The following ATP10B variants were observed in gnomAD, a reference collection of about 807,000 sequenced individuals.
The protein encoded by ATP10B is phospholipid-transporting ATPase VB.
A neutral mutation model predicts 141.2 loss-of-function variants in ATP10B; 122 were observed. That is an observed-to-expected ratio of 0.86 (90% CI 0.75 to 1.00). ATP10B has a LOEUF of 1.00. Among genes scored for constraint, ATP10B ranks in the 50% least tolerant of loss-of-function variants. The pLI is 0.00. For missense variants in ATP10B, 1,876 were observed against 1,825.3 expected (o/e 1.03, Z -0.51); for synonymous variants, 685 against 692.0 (o/e 0.99, Z 0.16).
At chr5:160,567,027 A>T (rs1340034025) in intron 25 of ATP10B, among the ~76,000 whole-genome samples, 1 of 152,108 alleles carries the variant, frequency 6.6e-6, no homozygotes, top group Non-Finnish European at 1.5e-5. Flanking sequence ...TTGTTCTCTC[A>T]CATCTCACCC....
intron 1 of ATP10B, among the ~76,000 whole-genome samples, chr5:160,836,201 T>C (rs889897405): frequency 1.3e-5 from 2 of 152,122 alleles, no homozygotes; most frequent in Admixed American, 1.3e-4. Flanking sequence ...CTATGAAATA[T>C]ATCCATATAA....
At chr5:160,721,961 G>A (rs989066405) in intron 2 of ATP10B, among the ~76,000 whole-genome samples, 15 of 152,188 alleles carry the variant, frequency 9.9e-5, no homozygotes, top group African/African-American at 3.6e-4. Flanking sequence ...CTAGCTGTGA[G>A]TCTCAACCTC....
chr5:160,859,092 A>G, the ATP10B span, among the ~76,000 whole-genome samples: 1 of 151,898 alleles, frequency 6.6e-6, no homozygotes, highest in South Asian at 2.1e-4. Flanking sequence ...GCCTTCTTTT[A>G]AGATAAGTCT....
Position 160,645,042 on chromosome 5 carries a change from G to A in ATP10B, c.762-798C>T, listed in dbSNP as rs192711723. ...TGAGGCAGGAGAATCGCTTGAACCC[G>A]GGAGGCGGAGGTTGCCGTGAGCCAA... On this transcript the variant is annotated intron_variant, in intron 8 of 25. Coordinates refer to ENST00000327245, the MANE Select transcript of ATP10B (RefSeq NM_025153.3). Among the ~76,000 whole-genome samples the A allele has an allele frequency of 2.1e-3, 317 of 151,662 alleles. 1 individual carries two copies. Among genetic ancestry groups the A allele is most frequent in the African/African-American group, 7.0e-3 (289 of 41,346 alleles).
At chr5:160,750,348 G>C (rs1473793218) in intron 2 of ATP10B, among the ~76,000 whole-genome samples, 1 of 152,124 alleles carries the variant, frequency 6.6e-6, no homozygotes, top group Non-Finnish European at 1.5e-5. Context: ...TGGCTTCTTG[G>C]TAATCAAGCA....
At chr5:160,871,740 A>C in the ATP10B span, among the ~76,000 whole-genome samples, 1 of 152,184 alleles carries the variant, frequency 6.6e-6, no homozygotes. Flanking sequence ...TCATGTATAT[A>C]CATCACAGTG....
intron 6 of ATP10B, among the ~76,000 whole-genome samples, chr5:160,674,531 C>G (rs2024526): frequency 0.85 from 129,181 of 152,184 alleles, 54,976 homozygotes; most frequent in East Asian, 0.9. Context: ...GGTCACTGCT[C>G]TACTGGTTAT....
chr5:160,840,079 G>A (rs1775719022), intron 1 of ATP10B, among the ~76,000 whole-genome samples: 1 of 152,018 alleles, frequency 6.6e-6, no homozygotes, highest in Non-Finnish European at 1.5e-5. Flanking sequence ...TCTGAAAGAT[G>A]CAAAAGTACA....
chr5:160,610,714 T>C (rs1757672836), intron 18 of ATP10B, among the ~76,000 whole-genome samples: 2 of 152,220 alleles, frequency 1.3e-5, no homozygotes, highest in Admixed American at 1.3e-4. Flanking sequence ...TTGAGCCATA[T>C]TAAAACTTCA....
intron 2 of ATP10B, among the ~76,000 whole-genome samples, chr5:160,753,995 A>C (rs1768342161): frequency 6.6e-6 from 1 of 152,200 alleles, no homozygotes. Context: ...AGTATCCTAT[A>C]TTACAAAAGA....
At chr5:160,790,914 T>C (rs1771522015) in intron 1 of ATP10B, among the ~76,000 whole-genome samples, 1 of 152,070 alleles carries the variant, frequency 6.6e-6, no homozygotes, top group Non-Finnish European at 1.5e-5. Flanking sequence ...GCAGAAGCGC[T>C]GATGAGTTAC....
the ATP10B span, among the ~76,000 whole-genome samples, chr5:160,886,489 A>G: frequency 6.6e-6 from 1 of 152,168 alleles, no homozygotes; most frequent in African/African-American, 2.4e-5. Context: ...TAACAGGGAA[A>G]TAATCAAGAA....
At chr5:160,816,987 T>C (rs1353659450) in intron 1 of ATP10B, among the ~76,000 whole-genome samples, 3 of 152,176 alleles carry the variant, frequency 2.0e-5, no homozygotes, top group Admixed American at 6.5e-5. Flanking sequence ...AAATTAGGTA[T>C]TGAAGGGACG....
At chr5:160,662,650 A>C (rs1248458440) in intron 7 of ATP10B, among the ~76,000 whole-genome samples, 1 of 152,204 alleles carries the variant, frequency 6.6e-6, no homozygotes, top group Admixed American at 6.5e-5. Flanking sequence ...TTAATTCAAG[A>C]TGGATTAAAG....
At chr5:160,598,745 C>A in intron 22 of ATP10B, 25 bp downstream of exon 22, 1 of 1,612,338 alleles carries the variant, frequency 6.2e-7, no homozygotes, top group Non-Finnish European at 8.5e-7. Flanking sequence ...GAAGTCACCT[C>A]CCTTTGGCTG....
At chr5:160,924,644 A>G in the ATP10B span, among the ~76,000 whole-genome samples, 1 of 152,170 alleles carries the variant, frequency 6.6e-6, no homozygotes, top group Non-Finnish European at 1.5e-5. Context: ...AAATAACTCT[A>G]ATATCCAACT....
intron 3 of ATP10B, among the ~76,000 whole-genome samples, chr5:160,715,486 G>A (rs1412606795): frequency 9.8e-5 from 14 of 142,782 alleles, no homozygotes; most frequent in South Asian, 7.1e-4. Context: ...CGCACGGTGC[G>A]CACACACACT....
chr5:160,891,045 T>C, the ATP10B span, among the ~76,000 whole-genome samples: 1 of 152,096 alleles, frequency 6.6e-6, no homozygotes, highest in African/African-American at 2.4e-5. Context: ...GAATAACTGT[T>C]TTTAATTCTT....
intron 8 of ATP10B, among the ~76,000 whole-genome samples, chr5:160,646,322 C>T (rs1046505105): frequency 6.6e-6 from 1 of 152,142 alleles, no homozygotes; most frequent in African/African-American, 2.4e-5. Flanking sequence ...GTTCTTGACC[C>T]TATTCTAATG....
Sources: allele counts gnomAD v4.1 joint callset (sites outside exome capture counted in the v4.1 genomes callset), GRCh38; gene constraint gnomAD v4.1.1; transcripts MANE v1.5; gene names NCBI Gene and HGNC (gene_info 2026-07-23, HGNC 2026-07-21).